Variants in GUCY1A2 observed in about 807,000 individuals in gnomAD.
GUCY1A2 encodes the protein guanylate cyclase 1 soluble subunit alpha 2.
GUCY1A2 carries 27 observed loss-of-function variants against 63.5 expected under a neutral mutation model. The observed-to-expected ratio is 0.43, with a 90% CI of 0.31 to 0.59. GUCY1A2 has a LOEUF of 0.59. Ranked by LOEUF, GUCY1A2 falls within the 20% of genes least tolerant of loss-of-function variation. The probability of loss-of-function intolerance (pLI) is 0.11; values close to 1 mark genes in which losing one functional copy is unlikely to be tolerated. For missense variants in GUCY1A2, 768 were observed against 913.3 expected, an observed-to-expected ratio of 0.84 and a Z score of 2.05; for synonymous variants, 364 against 343.5, an observed-to-expected ratio of 1.06 and a Z score of -0.66.
rs541228673 is a variant in GUCY1A2, at chr11:106,985,156, C to T, written c.365+914G>A. On this transcript the variant is annotated intron_variant, in intron 2 of 7. Coordinates refer to ENST00000526355, the MANE Select transcript of GUCY1A2 (RefSeq NM_000855.3). ...CTATTAGCCATAAATGTTAAATGATCCTGAGAGCAGTTCAAGAAGTACCAC... is the reference window on the plus strand; with the variant it reads ...CTATTAGCCATAAATGTTAAATGATTCTGAGAGCAGTTCAAGAAGTACCAC... Among the ~76,000 whole-genome samples, 6 of 152,244 alleles carry T rather than the reference C, an allele frequency of 3.9e-5. No individual in the cohort carries two copies. In the East Asian group the frequency reaches 1.2e-3, roughly 29 times the overall value.
intron 5 of GUCY1A2, among the ~76,000 whole-genome samples, chr11:106,791,653 ACTAT>A (rs938568952): frequency 1.3e-5 from 2 of 152,174 alleles, no homozygotes; most frequent in African/African-American, 2.4e-5. Flanking sequence ...CTACGGAATT[ACTAT>A]CTTTTATTTT....
chr11:106,821,356 G>A (rs1858901000), intron 4 of GUCY1A2, among the ~76,000 whole-genome samples: 2 of 152,248 alleles, frequency 1.3e-5, no homozygotes, highest in African/African-American at 2.4e-5. Context: ...CCCACAGGGT[G>A]AAAATGATTT....
At chr11:106,963,227 C>G (rs1477778483) in intron 3 of GUCY1A2, among the ~76,000 whole-genome samples, 8 of 152,002 alleles carry the variant, frequency 5.3e-5, no homozygotes, top group Admixed American at 5.2e-4. Context: ...TCAGAGTCTA[C>G]AGAGGAGAAT....
chr11:106,775,739 T>C (rs1262768888), intron 6 of GUCY1A2, among the ~76,000 whole-genome samples: 1 of 140,242 alleles, frequency 7.1e-6, no homozygotes, highest in African/African-American at 2.6e-5. Flanking sequence ...TAAGCTGTTA[T>C]AAAAGGGTGG....
intron 6 of GUCY1A2, among the ~76,000 whole-genome samples, chr11:106,714,744 A>G (rs906424815): frequency 1.2e-4 from 18 of 147,682 alleles, no homozygotes; most frequent in African/African-American, 1.8e-4. Context: ...GATTCTCACA[A>G]CTGGGAGGGA....
intron 4 of GUCY1A2, chr11:106,828,004 C>A (rs1219531860): frequency 4.3e-6 from 3 of 700,968 alleles, no homozygotes; most frequent in Non-Finnish European, 7.7e-6. Context: ...CCAGAGAATC[C>A]GACCTACGGG....
chr11:106,832,775 T>C (rs910863004), intron 4 of GUCY1A2, among the ~76,000 whole-genome samples: 2 of 152,158 alleles, frequency 1.3e-5, no homozygotes, highest in South Asian at 4.1e-4. Flanking sequence ...CATTGGTTAA[T>C]ATTTACAAAT....
chr11:106,836,909 G>GT (rs1859124735), intron 4 of GUCY1A2, among the ~76,000 whole-genome samples: 2 of 151,782 alleles, frequency 1.3e-5, no homozygotes, highest in South Asian at 2.1e-4. Context: ...TTGTGCATAA[G>GT]TTTTTTTATA....
intron 5 of GUCY1A2, among the ~76,000 whole-genome samples, chr11:106,777,440 G>A (rs1864377341): frequency 8.4e-6 from 1 of 118,970 alleles, no homozygotes; most frequent in South Asian, 3.0e-4. Flanking sequence ...AGTGAGACTT[G>A]GTCTCAAAAA....
At chr11:106,882,247 G>T (rs1859834230) in intron 4 of GUCY1A2, among the ~76,000 whole-genome samples, 1 of 151,908 alleles carries the variant, frequency 6.6e-6, no homozygotes, top group African/African-American at 2.4e-5. Context: ...ATTTACTAAA[G>T]GTTATTACAT....
In GUCY1A2 at chr11:106,753,155, T is replaced by C. The variant is rs148408093; in HGVS notation, c.1836+23284A>G. Among the ~76,000 whole-genome samples, 1,162 of 152,372 alleles carry C rather than the reference T, an allele frequency of 7.6e-3. 69 individuals carry two copies. The East Asian group carries it at 0.13, about 17-fold the overall frequency. On this transcript the variant is annotated intron_variant, in intron 6 of 7. Transcript: ENST00000526355. The stretch of plus-strand genomic sequence containing the variant: ...CTTTTTCATATGTCTGTTGGCTGCA[T>C]AAATGCCTTCTTTTGAGAAGTGTCT...
At chr11:106,976,486 A>T (rs1861264219) in intron 3 of GUCY1A2, among the ~76,000 whole-genome samples, 1 of 152,218 alleles carries the variant, frequency 6.6e-6, no homozygotes, top group Non-Finnish European at 1.5e-5. Flanking sequence ...GACTTCTTAA[A>T]AACAAAGCTT....
intron 4 of GUCY1A2, among the ~76,000 whole-genome samples, chr11:106,855,265 T>A (rs1859413427): frequency 6.6e-6 from 1 of 152,142 alleles, no homozygotes; most frequent in African/African-American, 2.4e-5. Context: ...TACCAGCATC[T>A]GTGGTGGGAA....
intron 5 of GUCY1A2, among the ~76,000 whole-genome samples, chr11:106,800,727 A>C (rs1334622166): frequency 6.6e-6 from 1 of 151,864 alleles, no homozygotes; most frequent in Non-Finnish European, 1.5e-5. Flanking sequence ...ATCACACACC[A>C]GGGCCTGTCG....
intron 3 of GUCY1A2, among the ~76,000 whole-genome samples, chr11:106,969,411 A>G (rs1022002398): frequency 1.3e-5 from 2 of 152,230 alleles, no homozygotes; most frequent in Non-Finnish European, 2.9e-5. Flanking sequence ...TCAAAGAACA[A>G]TGAAAGCAGA....
intron 3 of GUCY1A2, among the ~76,000 whole-genome samples, chr11:106,954,569 T>C (rs1860956248): frequency 6.6e-6 from 1 of 151,852 alleles, no homozygotes; most frequent in Admixed American, 6.6e-5. Context: ...TCCTTTTTAA[T>C]TTTTTCTCTC....
intron 3 of GUCY1A2, among the ~76,000 whole-genome samples, chr11:106,959,643 G>C (rs1418490033): frequency 6.6e-6 from 1 of 152,172 alleles, no homozygotes. Flanking sequence ...AGTTCATTTG[G>C]AAAGTGGGGA....
chr11:106,993,561 T>C (rs1355992202), intron 1 of GUCY1A2, among the ~76,000 whole-genome samples: 5 of 152,016 alleles, frequency 3.3e-5, no homozygotes, highest in Non-Finnish European at 1.5e-5. Flanking sequence ...GCAAATTAAA[T>C]ATAGAACTTT....
chr11:107,016,861 A>C (rs1485922600), intron 1 of GUCY1A2, among the ~76,000 whole-genome samples: 1 of 152,158 alleles, frequency 6.6e-6, no homozygotes, highest in Non-Finnish European at 1.5e-5. Context: ...CATTGAGGAG[A>C]GAGTAAAGGA....
Sources: gnomAD v4.1 joint callset for allele counts (sites outside exome capture counted in the v4.1 genomes callset) on GRCh38, gnomAD v4.1.1 for gene constraint, MANE v1.5 for transcripts, NCBI Gene and HGNC (gene_info 2026-07-23, HGNC 2026-07-21) for gene names.